Variants in PASD1 observed in about 807,000 individuals in gnomAD.
The protein encoded by PASD1 is circadian clock protein PASD1.
In PASD1, 13 loss-of-function variants were observed where a neutral mutation model predicts 58.8. The ratio of observed to expected loss-of-function variants is 0.22; its 90% confidence interval spans 0.14 to 0.35. The LOEUF (loss-of-function observed/expected upper bound fraction) is 0.35, where lower values mean the gene tolerates loss of function less well. Among genes scored for constraint, PASD1 ranks in the 10% least tolerant of loss-of-function variants. The pLI is 1.00. For missense variants in PASD1, 734 were observed against 568.3 expected (o/e 1.29, Z -2.96); for synonymous variants, 236 against 216.7 (o/e 1.09, Z -0.78).
chrX:151,595,306 T>C (rs1414171916), intron 1 of PASD1, among the ~76,000 whole-genome samples: 1 of 111,892 alleles, frequency 8.9e-6, no homozygotes, highest in Non-Finnish European at 1.9e-5. Context: ...TCCTCTACTC[T>C]GGCTGGATAC....
chrX:151,615,056 C>T (rs905199496), intron 4 of PASD1, among the ~76,000 whole-genome samples: 14 of 111,052 alleles, frequency 1.3e-4, no homozygotes, highest in African/African-American at 2.9e-4. Context: ...AGGGAATGTA[C>T]GAGTATGATC....
chrX:151,602,941 A>G (rs779552640), intron 2 of PASD1, among the ~76,000 whole-genome samples: 35 of 112,144 alleles, frequency 3.1e-4, no homozygotes, highest in Admixed American at 1.1e-3. Context: ...CATCTCCCTG[A>G]GACGGTTTGG....
At chrX:151,609,164 T>C (rs186205201) in intron 3 of PASD1, among the ~76,000 whole-genome samples, 1 of 111,853 alleles carries the variant, frequency 8.9e-6, no homozygotes, top group Non-Finnish European at 1.9e-5. Flanking sequence ...TCTTTTCTAA[T>C]ATATACATTT....
Position 151,622,951 on chromosome X carries a change from T to C in PASD1, c.433T>C (p.Phe145Leu). The change falls in exon 7 of 16, where the codon TTT becomes CTT. Residue 145 changes from phenylalanine (F) to leucine (L), a missense_variant. Phe to Leu is a conservative substitution (Grantham distance 22). Transcript: ENST00000370357. ...ATCTTCCTTAGAGTTTCCTGTGGTC[T>C]TTAGTGGCTTGTTTTCCAGCCACCT... ...RDICNEFPVV[F>L]SGLFSSHLCA... is the part of the protein sequence containing the mutation. 8.3e-7 allele frequency: 1 copy of C among 1,209,075 alleles called. No homozygotes were observed. Among genetic ancestry groups the C allele is most frequent in the South Asian group, 1.8e-5 (1 of 56,594 alleles).
intron 4 of PASD1, among the ~76,000 whole-genome samples, chrX:151,614,910 T>A (rs2124265380): frequency 8.9e-6 from 1 of 112,135 alleles, no homozygotes; most frequent in African/African-American, 3.2e-5. Context: ...AAAAAAACAG[T>A]TTACATTTCC....
chrX:151,647,965 G>A (rs1157084595), intron 8 of PASD1, among the ~76,000 whole-genome samples: 3 of 110,892 alleles, frequency 2.7e-5, no homozygotes, highest in Non-Finnish European at 5.7e-5. Context: ...TCATTTTGTG[G>A]AGTAATAGGG....
Position 151,672,152 on chromosome X carries a change from G to A in PASD1, c.1438-31G>A, listed in dbSNP as rs753259465. ...TTCTGGGAGGCTCTTGCAGACACCAGGGTGCTTTTATCTGTTGCCTTTCGA... is the reference window on the plus strand; with the variant it reads ...TTCTGGGAGGCTCTTGCAGACACCAAGGTGCTTTTATCTGTTGCCTTTCGA... On this transcript the variant is annotated intron_variant, in intron 13 of 15. Coordinates refer to ENST00000370357, the MANE Select transcript of PASD1 (RefSeq NM_173493.3). 39 of 1,131,378 alleles carry A rather than the reference G, an allele frequency of 3.4e-5. No homozygotes were observed. The African/African-American group carries it at 5.4e-4, about 16-fold the overall frequency. 93.2% of individuals were successfully genotyped at this position (1,131,378 alleles called of 1,213,427 possible).
intron 9 of PASD1, among the ~76,000 whole-genome samples, chrX:151,657,381 G>A (rs186756740): frequency 4.5e-5 from 5 of 112,004 alleles, no homozygotes; most frequent in African/African-American, 1.6e-4. Context: ...CATAAAATGA[G>A]TTAGGGAGGA....
intron 1 of PASD1, among the ~76,000 whole-genome samples, chrX:151,570,458 C>G: frequency 8.9e-6 from 1 of 112,359 alleles, no homozygotes; most frequent in Non-Finnish European, 1.9e-5. Flanking sequence ...AATAAATTTC[C>G]TTTTAAAAAA....
Position 151,625,429 on chromosome X carries a change from T to C in PASD1, c.547-19T>C, listed in dbSNP as rs2124274322. 1 of 1,171,679 alleles carries C rather than the reference T, an allele frequency of 8.5e-7. No homozygotes were observed. Among genetic ancestry groups the C allele is most frequent in the African/African-American group, 1.8e-5 (1 of 56,919 alleles). On this transcript the variant is annotated intron_variant, in intron 7 of 15. Transcript: ENST00000370357. ...TTTATATACATATTAAATGTCTAAA[T>C]ATTTGAATTTTTCTGCAGCAACTTT...
intron 1 of PASD1, among the ~76,000 whole-genome samples, chrX:151,587,817 G>C (rs1170923807): frequency 1.8e-5 from 2 of 111,725 alleles, no homozygotes; most frequent in East Asian, 2.8e-4. Context: ...CGTAATCCAG[G>C]GTAGATTAAT....
chrX:151,599,409 G>GC (rs1473988967), intron 1 of PASD1, among the ~76,000 whole-genome samples: 4 of 109,858 alleles, frequency 3.6e-5, no homozygotes, highest in African/African-American at 1.0e-4. Flanking sequence ...GGGCAGAGGC[G>GC]CCCCCCACCT....
rs1336269787 is a variant in PASD1, at chrX:151,672,224, G to T, written c.1479G>T (p.Gln493His). ...VQQEQHLKEQ[Q>H]RQLREQLQQL... ...AAGAACAACACCTGAAGGAGCAGCA[G>T]CGGCAGCTGCGGGAGCAGCTGCAAC... is the stretch of plus-strand genomic sequence containing the variant. The change falls in exon 14 of 16, where the codon CAG (glutamine) becomes CAT (histidine). Residue 493 changes from glutamine to histidine, a missense_variant. Coordinates refer to ENST00000370357, the MANE Select transcript of PASD1 (RefSeq NM_173493.3). 7 of 1,136,283 alleles carry T rather than the reference G, an allele frequency of 6.2e-6. No individual in the cohort carries two copies. The highest frequency in any genetic ancestry group is 1.8e-5 in the African/African-American group (1 of 54,753). The allele number at this position is 1,136,283 out of a possible 1,213,427, so 93.6% of individuals were successfully genotyped here. A position where few individuals can be genotyped will look rare whatever the true frequency, so the allele number is the denominator to read the frequency against.
At chrX:151,594,030 G>T (rs2013284068) in intron 1 of PASD1, among the ~76,000 whole-genome samples, 1 of 111,579 alleles carries the variant, frequency 9.0e-6, no homozygotes, top group Non-Finnish European at 1.9e-5. Flanking sequence ...CTGGAATGCA[G>T]TGGCACGGTC....
At chrX:151,571,547 T>A (rs1018756777) in intron 1 of PASD1, among the ~76,000 whole-genome samples, 1 of 112,010 alleles carries the variant, frequency 8.9e-6, no homozygotes, top group East Asian at 2.8e-4. Flanking sequence ...TGTGAACATG[T>A]CTTATAGAGT....
intron 9 of PASD1, among the ~76,000 whole-genome samples, chrX:151,655,010 C>G (rs1023322593): frequency 9.1e-6 from 1 of 109,830 alleles, no homozygotes; most frequent in East Asian, 2.9e-4. Flanking sequence ...CCACTCCCCC[C>G]ACCCCATGAC....
chrX:151,653,533 C>T (rs1437693276), intron 9 of PASD1, among the ~76,000 whole-genome samples: 1 of 110,261 alleles, frequency 9.1e-6, no homozygotes, highest in Non-Finnish European at 1.9e-5. Context: ...CATTTGTTGG[C>T]ATTTGATGAC....
chrX:151,627,745 G>A (rs890160972), intron 8 of PASD1, among the ~76,000 whole-genome samples: 12 of 111,754 alleles, frequency 1.1e-4, no homozygotes, highest in African/African-American at 3.9e-4. Flanking sequence ...GGGTCAAATG[G>A]TATTTCTAGT....
At chrX:151,634,308 T>C in intron 8 of PASD1, among the ~76,000 whole-genome samples, 1 of 110,930 alleles carries the variant, frequency 9.0e-6, no homozygotes, top group East Asian at 2.8e-4. Flanking sequence ...TGTGTGTGTG[T>C]AATTTATTAT....
Sources: gnomAD v4.1 joint callset for allele counts (sites outside exome capture counted in the v4.1 genomes callset) on GRCh38, gnomAD v4.1.1 for gene constraint, MANE v1.5 for transcripts, NCBI Gene and HGNC (gene_info 2026-07-23, HGNC 2026-07-21) for gene names.